Variants in FBF1 observed in about 807,000 individuals in gnomAD.
FBF1 encodes fas-binding factor 1.
FBF1 carries 119 observed loss-of-function variants against 147.2 expected under a neutral mutation model. The ratio of observed to expected loss-of-function variants is 0.81; its 90% CI spans 0.70 to 0.94. The LOEUF (loss-of-function observed/expected upper bound fraction) is 0.94. Among genes scored for constraint, FBF1 ranks in the 40% least tolerant of loss-of-function variants. The pLI is 0.00. For missense variants in FBF1, 1,449 were observed against 1,500.8 expected (o/e 0.97, Z 0.57); for synonymous variants, 601 against 609.0 (o/e 0.99, Z 0.19).
At chr17:75,933,772 C>T (rs2065608008) in intron 4 of FBF1, among the ~76,000 whole-genome samples, 1 of 152,082 alleles carries the variant, frequency 6.6e-6, no homozygotes, top group South Asian at 2.1e-4. Context: ...AGACATTTCT[C>T]CAAAGATATA....
At chr17:75,912,373 G>T in intron 28 of FBF1, 66 bp from the exon 29 acceptor site, 2 of 1,258,678 alleles carry the variant, frequency 1.6e-6, no homozygotes, top group African/African-American at 1.5e-5. Context: ...GTCACAGCTT[G>T]TTCCTGCAGA....
intron 1 of FBF1, among the ~76,000 whole-genome samples, chr17:75,940,356 G>A (rs1271284083): frequency 2.0e-5 from 3 of 151,762 alleles, no homozygotes; most frequent in Non-Finnish European, 1.5e-5. Context: ...GGGCTCAGGC[G>A]ATCCTCCAAT....
chr17:75,921,331 A>G (rs1207783333), intron 16 of FBF1, 29 bp from the exon 17 acceptor site: 15 of 1,574,226 alleles, frequency 9.5e-6, no homozygotes, highest in Non-Finnish European at 1.2e-5. Flanking sequence ...AGAAATGAAC[A>G]GGAGGCCCAG....
chr17:75,913,144 CTTTTTTT>C (rs869041751), intron 28 of FBF1, among the ~76,000 whole-genome samples: 88 of 124,048 alleles, frequency 7.1e-4, no homozygotes, highest in African/African-American at 2.2e-3. Flanking sequence ...TTGAGGGTGA[CTTTTTTT>C]TTTTTTTTTT....
intron 25 of FBF1, 85 bp from the exon 26 acceptor site, chr17:75,914,383 C>T: frequency 6.8e-7 from 1 of 1,478,358 alleles, no homozygotes; most frequent in East Asian, 2.5e-5. Flanking sequence ...CCTCTGCCCA[C>T]CCTGCCCCTG....
chr17:75,915,119 G>C lies in FBF1; in HGVS notation c.2526C>G (p.Ala842=), dbSNP rs1045829457. 4.4e-6 allele frequency: 7 copies of C among 1,609,178 alleles called. No individual in the cohort carries two copies. Among genetic ancestry groups the C allele is most frequent in the East Asian group, 2.2e-5 (1 of 44,814 alleles). ...GCATGGACTCCGCCTTGGACTGCTCGGCAGTCACCCGCCAGCGTTCCTGTA... is the reference window on the plus strand; with the variant it reads ...GCATGGACTCCGCCTTGGACTGCTCCGCAGTCACCCGCCAGCGTTCCTGTA... ...LLEQERWRVT[A]EQSKAESMQR... is the part of the protein sequence containing the mutation. The change falls in exon 24 of 30, where the codon GCC becomes GCG. Residue 842 remains alanine, a synonymous_variant. Transcript: ENST00000636174.
Position 75,922,890 on chromosome 17 carries a change from A to AG in FBF1, c.1424+295dup, listed in dbSNP as rs1428832612. Among the ~76,000 whole-genome samples the AG allele has an allele frequency of 6.6e-6, 1 of 152,188 alleles. No homozygotes were observed. The highest frequency in any genetic ancestry group is 1.9e-4 in the East Asian group (1 of 5,188). On this transcript the variant is annotated intron_variant, in intron 14 of 29. Transcript: ENST00000636174. This position sits in a 1 kb window ranked among gnomAD's most constrained non-coding sequence, Gnocchi z 5.0. ...AGGGCAGCGGTGTGTCTGCCACCTC[A>AG]GGGACCCTCTGTCTTCTCCTCGATC... is the stretch of plus-strand genomic sequence containing the variant.
At chr17:75,933,821 A>G (rs932829881) in intron 4 of FBF1, among the ~76,000 whole-genome samples, 1 of 152,236 alleles carries the variant, frequency 6.6e-6, no homozygotes, top group Non-Finnish European at 1.5e-5. Flanking sequence ...GCTGAACATC[A>G]TTAGTCATTA....
chr17:75,921,555 G>A lies in FBF1; in HGVS notation c.1532C>T (p.Pro511Leu), dbSNP rs2065526460. Reference protein sequence around the residue: ...PCVRPGVSGSPVTQNHAASAL... With the variant: ...PCVRPGVSGSLVTQNHAASAL... ...TGAGGCGGCATGGTTCTGAGTCACAGGGGACCTGAGGACACAGGGATGGGG... is the reference window on the plus strand; with the variant it reads ...TGAGGCGGCATGGTTCTGAGTCACAAGGGACCTGAGGACACAGGGATGGGG... Residue 511 changes from proline (P) to leucine (L), a missense_variant, in exon 16 of 30, where the codon CCT becomes CTT. Transcript: ENST00000636174. 2 of 1,611,974 alleles carry A rather than the reference G, an allele frequency of 1.2e-6. No individual in the cohort carries two copies. The highest frequency in any genetic ancestry group is 2.2e-5 in the East Asian group (1 of 44,836).
rs779989122 is a variant in FBF1, at chr17:75,910,007, C to G, written c.*716G>C. On this transcript the variant is annotated 3_prime_UTR_variant, in exon 30 of 30. Coordinates refer to ENST00000636174, the MANE Select transcript of FBF1 (RefSeq NM_001319193.2). The surrounding 1 kb of genome is among the most constrained non-coding windows in gnomAD (Gnocchi z 4.1). ...TGAGCAGCACAGAGGCTTCCCTCCTCGTCCCTCCCCACACCCCACCATCGC... is the reference window on the plus strand; with the variant it reads ...TGAGCAGCACAGAGGCTTCCCTCCTGGTCCCTCCCCACACCCCACCATCGC... 43 of 679,718 alleles carry G rather than the reference C, an allele frequency of 6.3e-5. No homozygotes were observed. Among genetic ancestry groups the G allele is most frequent in the Non-Finnish European group, 1.1e-4 (41 of 370,690 alleles). 42.1% of individuals were successfully genotyped at this position (679,718 alleles called of 1,614,324 possible).
At chr17:75,937,364 G>C (rs1348710687) in intron 3 of FBF1, among the ~76,000 whole-genome samples, 1 of 151,996 alleles carries the variant, frequency 6.6e-6, no homozygotes, top group Non-Finnish European at 1.5e-5. Context: ...CAGAGACGGG[G>C]TTTCATCGTG....
In FBF1 at chr17:75,923,617, T is replaced by C. The variant is rs1279595293; in HGVS notation, c.993A>G (p.Ala331=). ...TGGAGCCTGGTTCTCCCTTGGGGTCTGCGCCACTGTCTGCGAAGAACCTAC... is the reference window on the plus strand; with the variant it reads ...TGGAGCCTGGTTCTCCCTTGGGGTCCGCGCCACTGTCTGCGAAGAACCTAC... ...SVSRFFADSG[A]DPKGEPGSKQ... The change falls in exon 14 of 30, where the codon GCA becomes GCG. Residue 331 remains alanine, a synonymous_variant. Coordinates refer to ENST00000636174, the MANE Select transcript of FBF1 (RefSeq NM_001319193.2). The surrounding 1 kb of genome is among the most constrained non-coding windows in gnomAD (Gnocchi z 4.1). 2 of 1,607,806 alleles carry C rather than the reference T, an allele frequency of 1.2e-6. No individual in the cohort carries two copies. Among genetic ancestry groups the C allele is most frequent in the Non-Finnish European group, 1.7e-6 (2 of 1,177,436 alleles).
At chr17:75,920,196 G>A in intron 18 of FBF1, 78 bp downstream of exon 18, 2 of 1,590,056 alleles carry the variant, frequency 1.3e-6, no homozygotes, top group African/African-American at 1.3e-5. Context: ...CTCCCTCCTG[G>A]GGAAGCTTCC....
At chr17:75,939,672 A>AAAGTGCT (rs1170083224) in intron 1 of FBF1, 1 of 152,198 alleles carries the variant, frequency 6.6e-6, no homozygotes, top group Non-Finnish European at 1.5e-5. Context: ...CTGGGATTAC[A>AAAGTGCT]GGTGTGAGCC....
In FBF1 at chr17:75,913,679, CCCTT is replaced by C. The variant is rs773452838; in HGVS notation, c.3247+19_3247+22del. ...CCCCTGCCCAGTCCTGAGCCGCCGG[CCCTT>C]CCTTCTGGAGCCACTCACCACTCTG... On this transcript the variant is annotated intron_variant, in intron 28 of 29. Transcript: ENST00000636174. 1.7e-5 allele frequency: 26 copies of C among 1,560,298 alleles called. 1 individual carries two copies. The South Asian group carries it at 3.0e-4, about 18-fold the overall frequency.
chr17:75,911,612 G>A (rs550224599), intron 29 of FBF1, among the ~76,000 whole-genome samples: 30 of 152,274 alleles, frequency 2.0e-4, no homozygotes, highest in Admixed American at 5.9e-4. Context: ...TCGACCTCCC[G>A]GGCTTAAGTG....
At position 75,913,695 on chromosome 17, in the gene FBF1, C is replaced by T. The variant is rs770638502; in HGVS notation, c.3247+7G>A. 71 of 1,585,452 alleles carry T rather than the reference C, an allele frequency of 4.5e-5. No homozygotes were observed. Among genetic ancestry groups the T allele is most frequent in the Non-Finnish European group, 5.8e-5 (68 of 1,173,764 alleles). On this transcript the variant is annotated splice_region_variant and intron_variant, in intron 28 of 29. Transcript: ENST00000636174. ...AGCCGCCGGCCCTTCCTTCTGGAGC[C>T]ACTCACCACTCTGGCTGGAGGCTGC...
chr17:75,923,128 GCTC>G lies in FBF1; in HGVS notation c.1424+55_1424+57del, dbSNP rs1355039197. On this transcript the variant is annotated intron_variant, in intron 14 of 29. Coordinates refer to ENST00000636174, the MANE Select transcript of FBF1 (RefSeq NM_001319193.2). The surrounding 1 kb of genome is among the most constrained non-coding windows in gnomAD (Gnocchi z 4.1). The stretch of plus-strand genomic sequence containing the variant: ...CTGCAACAGGTGAAGGGGCAAAGGG[GCTC>G]CTCAAGTCCCCAGCCAGTCCTCCCC... The G allele has an allele frequency of 1.4e-6, 2 of 1,458,352 alleles. No individual in the cohort carries two copies. The highest frequency in any genetic ancestry group is 1.8e-6 in the Non-Finnish European group (2 of 1,089,628). 90.3% of individuals were successfully genotyped at this position (1,458,352 alleles called of 1,614,324 possible).
intron 4 of FBF1, 104 bp from the exon 5 acceptor site, chr17:75,933,192 G>T: frequency 1.2e-6 from 1 of 851,982 alleles, no homozygotes; most frequent in Non-Finnish European, 1.8e-6. Flanking sequence ...TGTATTAGGA[G>T]GAAGAAATCT....
Sources: allele counts gnomAD v4.1 joint callset (sites outside exome capture counted in the v4.1 genomes callset), GRCh38; gene constraint gnomAD v4.1.1; non-coding constraint Gnocchi (gnomAD v3.1); transcripts MANE v1.5; gene names NCBI Gene and HGNC (gene_info 2026-07-23, HGNC 2026-07-21).